FBXL4: variants seen among roughly 807,000 people sequenced by gnomAD.
FBXL4 encodes F-box/LRR-repeat protein 4.
A neutral mutation model predicts 58.9 loss-of-function variants in FBXL4; 40 were observed. The ratio of observed to expected loss-of-function variants is 0.68; its 90% CI spans 0.53 to 0.88. The LOEUF is 0.88. FBXL4 is among the 40% of genes least tolerant of loss of function. The probability of loss-of-function intolerance (pLI) is 0.00; values close to 1 mark genes in which losing one functional copy is unlikely to be tolerated. For synonymous variants in FBXL4, 263 were observed against 265.5 expected (o/e 0.99, Z 0.09); for missense variants, 676 against 734.4 (o/e 0.92, Z 0.92).
rs756228059 is a variant in FBXL4, at chr6:98,874,415, A to G, written c.1729T>C (p.Leu577=). Residue 577 remains leucine, a synonymous_variant, in exon 10 of 10, where the codon TTA becomes CTA. Transcript: ENST00000369244. ...TTACAAGATTCCAGGAGTTTTCTTAAGGATGCCGGACTTACCATTCTTGTT... is the reference window on the plus strand; with the variant it reads ...TTACAAGATTCCAGGAGTTTTCTTAGGGATGCCGGACTTACCATTCTTGTT... The part of the protein sequence containing the change: ...LGTRMVSPAS[L]RKLLESCKDL... 5 of 1,610,336 alleles carry G rather than the reference A, an allele frequency of 3.1e-6. No individual in the cohort carries two copies. The highest frequency in any genetic ancestry group is 4.2e-6 in the Non-Finnish European group (5 of 1,179,122).
chr6:98,889,137 G>C (rs1294527716), intron 7 of FBXL4, among the ~76,000 whole-genome samples: 1 of 152,190 alleles, frequency 6.6e-6, no homozygotes, highest in African/African-American at 2.4e-5. Context: ...CAAGAGACAA[G>C]TTCAACGTGA....
intron 6 of FBXL4, among the ~76,000 whole-genome samples, chr6:98,902,403 C>T (rs1457729703): frequency 6.6e-6 from 1 of 151,990 alleles, no homozygotes; most frequent in Non-Finnish European, 1.5e-5. Context: ...GGGAAAAGAA[C>T]ACCTTAAAAT....
intron 5 of FBXL4, among the ~76,000 whole-genome samples, chr6:98,912,904 C>T (rs1339700211): frequency 6.6e-6 from 1 of 151,788 alleles, no homozygotes; most frequent in Non-Finnish European, 1.5e-5. Flanking sequence ...GAGTCAAGAC[C>T]CATCAGTGTG....
intron 4 of FBXL4, among the ~76,000 whole-genome samples, chr6:98,923,381 A>G (rs1354597681): frequency 2.6e-5 from 4 of 152,196 alleles, no homozygotes; most frequent in Admixed American, 6.5e-5. Context: ...ATAAAATCCC[A>G]AAGTCTAGAA....
chr6:98,886,053 T>A (rs1223766532), intron 7 of FBXL4, among the ~76,000 whole-genome samples: 3 of 152,130 alleles, frequency 2.0e-5, no homozygotes, highest in African/African-American at 7.2e-5. Context: ...AAGCACCAGA[T>A]AACAACCTGG....
rs754142863 is a variant in FBXL4 at position 98,899,281 on chromosome 6, C to A, written c.1304G>T (p.Arg435Leu). The change falls in exon 7 of 10, where the codon CGA (arginine) becomes CTA (leucine). Residue 435 changes from arginine (R) to leucine (L), a missense_variant. Transcript: ENST00000369244. ...AATTACTCTCACCTCTACTTTTGTT[C>A]GATAGAGAACAAGTCGTTTAAGGCT... Reference protein sequence around the residue: ...LCSLKRLVLYRTKVEQTALLS... With the variant: ...LCSLKRLVLYLTKVEQTALLS... The A allele has an allele frequency of 6.2e-7, 1 of 1,613,598 alleles. No homozygotes were observed. Among genetic ancestry groups the A allele is most frequent in the South Asian group, 1.1e-5 (1 of 91,022 alleles).
intron 1 of FBXL4, among the ~76,000 whole-genome samples, chr6:98,935,359 T>C (rs1199714550): frequency 2.0e-5 from 3 of 151,178 alleles, no homozygotes; most frequent in African/African-American, 4.9e-5. Context: ...CTGCCCAACA[T>C]GCTATCTCAC....
Position 98,873,469 on chromosome 6 carries a change from C to CT in FBXL4, c.*808dup, listed in dbSNP as rs1191671778. On this transcript the variant is annotated 3_prime_UTR_variant, in exon 10 of 10. Coordinates refer to ENST00000369244, the MANE Select transcript of FBXL4 (RefSeq NM_001278716.2). ...GCATCTGCTTCTAACAGTTGGAAAG[C>CT]TTTTTTTATTTAGTAGTTTACCTCT... The CT allele has an allele frequency of 6.6e-6, 1 of 151,380 alleles. No individual in the cohort carries two copies. The highest frequency in any genetic ancestry group is 1.5e-5 in the Non-Finnish European group (1 of 67,912). The allele number at this position is 151,380 out of a possible 1,614,324, so 9.4% of individuals were successfully genotyped here.
At chr6:98,912,138 A>G (rs968361784) in intron 5 of FBXL4, among the ~76,000 whole-genome samples, 1 of 152,224 alleles carries the variant, frequency 6.6e-6, no homozygotes, top group African/African-American at 2.4e-5. Context: ...AAAGAATAAA[A>G]AGAAACGGAC....
At chr6:98,896,318 T>C (rs1466685207) in intron 7 of FBXL4, among the ~76,000 whole-genome samples, 1 of 152,198 alleles carries the variant, frequency 6.6e-6, no homozygotes, top group Non-Finnish European at 1.5e-5. Flanking sequence ...TTTGCTTAAG[T>C]GACAATGGAG....
At chr6:98,897,237 G>A in intron 7 of FBXL4, 2 of 985,316 alleles carry the variant, frequency 2.0e-6, no homozygotes, top group Non-Finnish European at 2.4e-6. Context: ...AAATGTGCCA[G>A]TAAAAAGCAG....
intron 7 of FBXL4, among the ~76,000 whole-genome samples, chr6:98,884,408 T>C (rs1770960751): frequency 6.6e-6 from 1 of 152,128 alleles, no homozygotes; most frequent in African/African-American, 2.4e-5. Context: ...TCAATCTTTT[T>C]TTAAAATAAA....
At chr6:98,900,783 C>T (rs904127411) in intron 6 of FBXL4, among the ~76,000 whole-genome samples, 8 of 152,182 alleles carry the variant, frequency 5.3e-5, no homozygotes, top group African/African-American at 1.4e-4. Context: ...CTTATTTACA[C>T]GTGAACACCC....
At chr6:98,891,039 T>C (rs970219531) in intron 7 of FBXL4, among the ~76,000 whole-genome samples, 10 of 152,354 alleles carry the variant, frequency 6.6e-5, no homozygotes, top group Admixed American at 6.5e-4. Flanking sequence ...AATTACTTTG[T>C]CCAGATTTGC....
chr6:98,903,982 A>G (rs983729560), intron 6 of FBXL4, among the ~76,000 whole-genome samples: 4 of 152,190 alleles, frequency 2.6e-5, no homozygotes, highest in Non-Finnish European at 4.4e-5. Context: ...ACAAAGGGTG[A>G]AAACAAACGT....
At chr6:98,904,755 C>T (rs1582400715) in intron 6 of FBXL4, among the ~76,000 whole-genome samples, 1 of 152,140 alleles carries the variant, frequency 6.6e-6, no homozygotes, top group East Asian at 1.9e-4. Flanking sequence ...AAACCATGAT[C>T]AAGGTTAGGA....
At chr6:98,917,352 C>T (rs776805590) in intron 5 of FBXL4, 22 bp downstream of exon 5, 18 of 1,512,238 alleles carry the variant, frequency 1.2e-5, no homozygotes, top group East Asian at 2.3e-5. Flanking sequence ...TCCAATACTG[C>T]TGCTAAATAT....
chr6:98,911,280 C>A (rs980557559), intron 5 of FBXL4, among the ~76,000 whole-genome samples: 3 of 152,178 alleles, frequency 2.0e-5, no homozygotes, highest in African/African-American at 7.2e-5. Context: ...ACAGCAGTAA[C>A]CTCTGCAGAC....
intron 4 of FBXL4, among the ~76,000 whole-genome samples, chr6:98,919,145 G>A (rs1772484140): frequency 6.6e-6 from 1 of 152,044 alleles, no homozygotes; most frequent in South Asian, 2.1e-4. Context: ...AGGCCCAGAA[G>A]GGACCAAGAA....
Sources: allele counts gnomAD v4.1 joint callset (sites outside exome capture counted in the v4.1 genomes callset), GRCh38; gene constraint gnomAD v4.1.1; transcripts MANE v1.5; gene names NCBI Gene and HGNC (gene_info 2026-07-23, HGNC 2026-07-21).